Variants in TTLL5 observed in about 807,000 individuals in gnomAD.
TTLL5 encodes tubulin polyglutamylase TTLL5.
Under a neutral mutation model 168.4 loss-of-function variants are expected in TTLL5, and 132 were observed. That is an observed-to-expected ratio of 0.78 (90% confidence interval 0.68 to 0.91). The LOEUF (loss-of-function observed/expected upper bound fraction) is 0.91. Ranked by LOEUF, TTLL5 falls within the 40% of genes least tolerant of loss-of-function variation. TTLL5 has a pLI of 0.00. For synonymous variants in TTLL5, 546 were observed against 558.6 expected (o/e 0.98, Z 0.32); for missense variants, 1,545 against 1,581.5 (o/e 0.98, Z 0.39).
At position 75,938,968 on chromosome 14, in the gene TTLL5, A is replaced by G. The variant is rs374810371; in HGVS notation, c.3824-15456A>G. On this transcript the variant is annotated intron_variant, in intron 31 of 31. Transcript: ENST00000298832. ...TCGTGACCTAGCAGTGGGTCATCCA[A>G]TCAGTTTAACGGGTCGCAACCAGGC... Among the ~76,000 whole-genome samples, 8 of 152,292 alleles carry G rather than the reference A, an allele frequency of 5.3e-5. No individual in the cohort carries two copies. The East Asian group carries it at 1.3e-3, about 26-fold the overall frequency.
At chr14:75,823,662 C>T (rs1894959175) in intron 28 of TTLL5, among the ~76,000 whole-genome samples, 2 of 152,184 alleles carry the variant, frequency 1.3e-5, no homozygotes, top group South Asian at 4.1e-4. Flanking sequence ...GGGCATTTGT[C>T]TGTTCCTCGA....
At chr14:75,714,406 TC>T (rs1887293483) in intron 9 of TTLL5, among the ~76,000 whole-genome samples, 2 of 152,152 alleles carry the variant, frequency 1.3e-5, no homozygotes, top group African/African-American at 4.8e-5. Context: ...TTAAGAAAAA[TC>T]TATTGATTTT....
At chr14:75,872,135 A>T (rs1268384214) in intron 29 of TTLL5, among the ~76,000 whole-genome samples, 1 of 152,224 alleles carries the variant, frequency 6.6e-6, no homozygotes. Flanking sequence ...TGATCCTTTG[A>T]TGTTATCTGT....
At chr14:75,666,911 A>T (rs1353900785) in intron 2 of TTLL5, among the ~76,000 whole-genome samples, 1 of 152,220 alleles carries the variant, frequency 6.6e-6, no homozygotes, top group African/African-American at 2.4e-5. Flanking sequence ...TTTGTTTTTC[A>T]TGCCTATAAA....
intron 6 of TTLL5, among the ~76,000 whole-genome samples, chr14:75,696,984 C>A (rs1885919474): frequency 1.3e-5 from 2 of 152,118 alleles, no homozygotes; most frequent in Admixed American, 1.3e-4. Context: ...TGAAATTGGT[C>A]TTCTGCCAGT....
At chr14:75,691,514 T>A (rs1180834110) in intron 6 of TTLL5, among the ~76,000 whole-genome samples, 2 of 152,242 alleles carry the variant, frequency 1.3e-5, no homozygotes, top group African/African-American at 4.8e-5. Flanking sequence ...TAAGAAACTT[T>A]CCATGAGTTA....
At chr14:75,789,616 C>G (rs1892573894) in intron 26 of TTLL5, among the ~76,000 whole-genome samples, 1 of 151,872 alleles carries the variant, frequency 6.6e-6, no homozygotes, top group African/African-American at 2.4e-5. Flanking sequence ...AAAAATATCA[C>G]TAATAATAGC....
At chr14:75,823,230 T>A (rs1332257998) in intron 28 of TTLL5, among the ~76,000 whole-genome samples, 1 of 152,188 alleles carries the variant, frequency 6.6e-6, no homozygotes, top group Non-Finnish European at 1.5e-5. Flanking sequence ...TGAGAAAGAT[T>A]AGATTTTTCA....
intron 17 of TTLL5, among the ~76,000 whole-genome samples, chr14:75,746,017 A>G (rs1193880116): frequency 1.3e-5 from 2 of 152,226 alleles, no homozygotes; most frequent in South Asian, 2.1e-4. Context: ...TACTGCCACA[A>G]TGAAGATATA....
intron 10 of TTLL5, 138 bp downstream of exon 10, chr14:75,718,100 A>G (rs2140198159): frequency 1.4e-6 from 1 of 733,280 alleles, no homozygotes. Flanking sequence ...TCTGTCAGTC[A>G]TATAACAGTG....
chr14:75,942,056 G>A (rs991348186), intron 31 of TTLL5, among the ~76,000 whole-genome samples: 2 of 151,768 alleles, frequency 1.3e-5, no homozygotes, highest in African/African-American at 4.8e-5. Flanking sequence ...GGTGGCTGGT[G>A]CCTGTAGTCC....
chr14:75,755,219 C>T (rs1331571533), intron 18 of TTLL5, among the ~76,000 whole-genome samples: 4 of 151,564 alleles, frequency 2.6e-5, no homozygotes, highest in African/African-American at 9.7e-5. Context: ...GAGCTAAGAT[C>T]GCACCATTGC....
chr14:75,915,562 A>G (rs1316197294), intron 31 of TTLL5, among the ~76,000 whole-genome samples: 1 of 152,210 alleles, frequency 6.6e-6, no homozygotes, highest in Non-Finnish European at 1.5e-5. Flanking sequence ...TAGGCTAATC[A>G]CTTAACCTCT....
chr14:75,730,704 T>A (rs960163331), intron 12 of TTLL5, among the ~76,000 whole-genome samples: 1 of 151,110 alleles, frequency 6.6e-6, no homozygotes, highest in African/African-American at 2.4e-5. Context: ...CAGTGTAGAA[T>A]CATGGGGACA....
intron 28 of TTLL5, among the ~76,000 whole-genome samples, chr14:75,859,142 T>C (rs903884429): frequency 6.6e-6 from 1 of 152,226 alleles, no homozygotes; most frequent in Non-Finnish European, 1.5e-5. Flanking sequence ...TGCATATCTT[T>C]ATGGAGAGTG....
Position 75,699,221 on chromosome 14 carries a change from T to C in TTLL5, c.536T>C (p.Val179Ala), listed in dbSNP as rs1886084610. ...TCGAAGGACCGGGGACCTTGGATAG[T>C]AAAACCAGTGGCATCTTCAAGGGGG... ...SYSKDRGPWI[V>A]KPVASSRGRG... The change falls in exon 7 of 32, where the codon GTA becomes GCA. Residue 179 changes from valine to alanine, a missense_variant. Physicochemically the swap from Val to Ala is moderately conservative, Grantham distance 64. Transcript: ENST00000298832. 3 of 1,614,040 alleles carry C rather than the reference T, an allele frequency of 1.9e-6. No homozygotes were observed. The East Asian group carries it at 6.7e-5, about 36-fold the overall frequency.
In TTLL5 at chr14:75,779,710, T is replaced by C. The variant is rs753526114; in HGVS notation, c.2515+8T>C. 1.0e-5 allele frequency: 16 copies of C among 1,599,426 alleles called. No homozygotes were observed. In the East Asian group the frequency reaches 3.6e-4, roughly 36 times the overall value. On this transcript the variant is annotated splice_region_variant and intron_variant, in intron 24 of 31. Coordinates refer to ENST00000298832, the MANE Select transcript of TTLL5 (RefSeq NM_015072.5). Reference sequence around the variant, plus strand: ...ATAGTGGGGCAAAAGGTGGTAAGTATACTGGTTAATGAACGAAAAATAAGA... The same window carrying C: ...ATAGTGGGGCAAAAGGTGGTAAGTACACTGGTTAATGAACGAAAAATAAGA...
intron 31 of TTLL5, among the ~76,000 whole-genome samples, chr14:75,939,866 C>T (rs565346170): frequency 2.0e-5 from 3 of 152,278 alleles, no homozygotes; most frequent in African/African-American, 7.2e-5. Flanking sequence ...AATCCACCCC[C>T]ACCATCAATC....
intron 9 of TTLL5, 94 bp downstream of exon 9, chr14:75,707,801 C>G (rs979719948): frequency 4.6e-6 from 5 of 1,091,258 alleles, no homozygotes; most frequent in African/African-American, 1.6e-5. Flanking sequence ...TAAATCAGAT[C>G]ATGCTATTTT....
Sources: allele counts gnomAD v4.1 joint callset (sites outside exome capture counted in the v4.1 genomes callset), GRCh38; gene constraint gnomAD v4.1.1; transcripts MANE v1.5; gene names NCBI Gene and HGNC (gene_info 2026-07-23, HGNC 2026-07-21).